NOP56: variants seen among roughly 807,000 people sequenced by gnomAD.
The protein encoded by NOP56 is NOP56 ribonucleoprotein, also known as nucleolar protein 56.
A neutral mutation model predicts 58.3 loss-of-function variants in NOP56; 31 were observed. The observed-to-expected ratio is 0.53, with a 90% confidence interval of 0.40 to 0.72. The LOEUF (loss-of-function observed/expected upper bound fraction) is 0.72, where lower values mean the gene tolerates loss of function less well. Ranked by LOEUF, NOP56 falls within the 30% of genes least tolerant of loss-of-function variation. NOP56 has a pLI of 0.00. For missense variants in NOP56, 669 were observed against 739.9 expected, an observed-to-expected ratio of 0.90 and a Z score of 1.11; for synonymous variants, 313 against 282.8, an observed-to-expected ratio of 1.11 and a Z score of -1.07.
In NOP56 at chr20:2,653,361, T is replaced by G. The variant is rs2086776232; in HGVS notation, c.176T>G (p.Val59Gly). Residue 59 changes from valine to glycine, a missense_variant, in exon 3 of 12, where the codon GTT becomes GGT. Val to Gly is a moderately radical substitution (Grantham distance 109). Coordinates refer to ENST00000329276, the MANE Select transcript of NOP56 (RefSeq NM_006392.4). ...VAFCPFASSQ[V>G]ALENANAVSE... ...TTTTGTCCCTTTGCCTCATCCCAGG[T>G]TGCCTTGGAAAATGCCAACGCCGTG... 2 of 1,614,002 alleles carry G rather than the reference T, an allele frequency of 1.2e-6. No individual in the cohort carries two copies. The highest frequency in any genetic ancestry group is 1.3e-5 in the African/African-American group (1 of 74,918).
At position 2,653,348 on chromosome 20, in the gene NOP56, G is replaced by A. The variant is rs764481393; in HGVS notation, c.163G>A (p.Ala55Thr). 9 of 1,614,008 alleles carry A rather than the reference G, an allele frequency of 5.6e-6. No individual in the cohort carries two copies. The South Asian group carries it at 7.7e-5, about 14-fold the overall frequency. ...IVRLVAFCPF[A>T]SSQVALENAN... ...TCGTCTGGTGGCCTTTTGTCCCTTT[G>A]CCTCATCCCAGGTTGCCTTGGAAAA... Residue 55 changes from alanine to threonine, a missense_variant, in exon 3 of 12, where the codon GCC becomes ACC. Physicochemically the swap from Ala to Thr is moderately conservative, Grantham distance 58. Around this residue, in one of 3 missense-constraint regions of NOP56, gnomAD observed 121 missense variants for 113.1 expected, o/e 1.07. Coordinates refer to ENST00000329276, the MANE Select transcript of NOP56 (RefSeq NM_006392.4).
intron 11 of NOP56, 92 bp downstream of exon 11, chr20:2,657,310 A>G: frequency 6.3e-7 from 1 of 1,577,238 alleles, no homozygotes; most frequent in Non-Finnish European, 8.7e-7. Context: ...TGTGGTCTTG[A>G]GTCCAGGCTT....
rs1375093117 is a variant in NOP56 at position 2,654,820 on chromosome 20, C to T, written c.442C>T (p.Leu148=). Residue 148 remains leucine, a synonymous_variant, in exon 5 of 12, where the codon CTG becomes TTG. Coordinates refer to ENST00000329276, the MANE Select transcript of NOP56 (RefSeq NM_006392.4). ...DLSACKAQLG[L]GHSYSRAKVK... ...GTCAGCTTGTAAAGCACAGCTGGGG[C>T]TGGGACACAGCTATTCCCGTGCCAA... The T allele has an allele frequency of 3.7e-6, 6 of 1,614,202 alleles. No individual in the cohort carries two copies. Among genetic ancestry groups the T allele is most frequent in the Middle Eastern group, 3.3e-4 (2 of 6,062 alleles).
chr20:2,657,835 G>T (rs769990456), intron 11 of NOP56, 94 bp from the exon 12 acceptor site: 4 of 1,389,892 alleles, frequency 2.9e-6, no homozygotes, highest in Middle Eastern at 1.9e-4. Flanking sequence ...ACTGGGCAAT[G>T]TTAACGACAC....
In NOP56 at chr20:2,657,183, TC is replaced by T. The variant is rs1464812259; in HGVS notation, c.1385del (p.Ser462Ter). 6.2e-7 allele frequency: 1 copy of T among 1,613,986 alleles called. No homozygotes were observed. Among genetic ancestry groups the T allele is most frequent in the East Asian group, 2.2e-5 (1 of 44,884 alleles). On this transcript the variant is annotated frameshift_variant, in exon 11 of 12. Coordinates refer to ENST00000329276, the MANE Select transcript of NOP56 (RefSeq NM_006392.4). LOFTEE classifies it low-confidence loss of function (END_TRUNC). ...GCTGGCTGCACTTGCCCTCGCGTCT[TC>T]AGAAAACAGCAGTAGTACTCCAGAG... ...KRLAALALASSENSSSTPEEC... is the reference protein window; with the variant it reads ...KRLAALALASXENSSSTPEEC...
Position 2,658,375 on chromosome 20 carries a change from T to TAA in NOP56, c.*85_*86dup. 6.2e-7 allele frequency: 1 copy of TAA among 1,609,590 alleles called. No individual in the cohort carries two copies. The highest frequency in any genetic ancestry group is 8.5e-7 in the Non-Finnish European group (1 of 1,178,034). On this transcript the variant is annotated 3_prime_UTR_variant, in exon 12 of 12. Transcript: ENST00000329276. The stretch of plus-strand genomic sequence containing the variant: ...TCCCACCCTGTGCCGTGTTCCCCAA[T>TAA]AAAAACAAATTCACAAGAGTTGGTT...
chr20:2,657,583 C>T (rs1295636786), intron 11 of NOP56: 3 of 516,532 alleles, frequency 5.8e-6, no homozygotes, highest in Admixed American at 3.4e-5. Flanking sequence ...CCCCAATGTG[C>T]TAAGCTACAA....
At chr20:2,657,446 T>A in intron 11 of NOP56, 1 of 731,446 alleles carries the variant, frequency 1.4e-6, no homozygotes, top group Non-Finnish European at 2.5e-6. Context: ...CCTGGGCATG[T>A]GTGTTCTGTC....
chr20:2,658,308 A>G lies in NOP56; in HGVS notation c.*14A>G. ...CAGGAAGATTAGAATGCAAATGGAC[A>G]TTCTCTGGGAGGTGGGGCATACCAT... On this transcript the variant is annotated 3_prime_UTR_variant, in exon 12 of 12. Transcript: ENST00000329276. 1.9e-6 allele frequency: 3 copies of G among 1,599,982 alleles called. No individual in the cohort carries two copies. Among genetic ancestry groups the G allele is most frequent in the Non-Finnish European group, 1.7e-6 (2 of 1,172,918 alleles).
In NOP56 at chr20:2,656,432, T is replaced by C. The variant is rs200676732; in HGVS notation, c.1042T>C (p.Tyr348His). 70 of 1,614,048 alleles carry C rather than the reference T, an allele frequency of 4.3e-5. No individual in the cohort carries two copies. The highest frequency in any genetic ancestry group is 5.8e-5 in the Non-Finnish European group (69 of 1,179,998). ...ALKTRGNTPK[Y>H]GLIFHSTFIG... ...GAAGACAAGGGGTAACACTCCAAAA[T>C]ATGGACTCATTTTCCACTCCACCTT... Residue 348 changes from tyrosine to histidine, a missense_variant, in exon 9 of 12, where the codon TAT becomes CAT. By Grantham distance (83) the Tyr-to-His change is moderately conservative. Coordinates refer to ENST00000329276, the MANE Select transcript of NOP56 (RefSeq NM_006392.4).
chr20:2,654,057 G>T (rs2086785283), intron 3 of NOP56: 5 of 448,794 alleles, frequency 1.1e-5, no homozygotes, highest in Non-Finnish European at 1.8e-5. Context: ...TGTTCGATTG[G>T]AAAGGGCAGT....
chr20:2,653,134 C>A, intron 2 of NOP56, 145 bp from the exon 3 acceptor site: 1 of 822,704 alleles, frequency 1.2e-6, no homozygotes, highest in East Asian at 2.4e-5. Flanking sequence ...CGGACGCCGC[C>A]CCCGAACGAT....
chr20:2,652,847 G>C lies in NOP56; in HGVS notation c.9G>C (p.Leu3=). 1 of 1,610,974 alleles carries C rather than the reference G, an allele frequency of 6.2e-7. No homozygotes were observed. Among genetic ancestry groups the C allele is most frequent in the Non-Finnish European group, 8.5e-7 (1 of 1,179,054 alleles). The change falls in exon 2 of 12, where the codon CTG becomes CTC. Residue 3 remains leucine, a synonymous_variant. Transcript: ENST00000329276. The stretch of plus-strand genomic sequence containing the variant: ...CGCCCCGGCTCCCGTTCCAGGTGCT[G>C]TTGCACGTGCTGTTTGAGCACGCGG... MV[L]LHVLFEHAVG...
intron 5 of NOP56, 139 bp downstream of exon 5, chr20:2,655,086 C>A: frequency 8.7e-7 from 1 of 1,142,920 alleles, no homozygotes; most frequent in Non-Finnish European, 1.3e-6. Flanking sequence ...GTGCTTACCA[C>A]AGGCTGTGTT....
chr20:2,656,662 C>T, intron 9 of NOP56, 112 bp from the exon 10 acceptor site: 7 of 1,606,474 alleles, frequency 4.4e-6, no homozygotes, highest in Non-Finnish European at 6.0e-6. Flanking sequence ...CAGCAGTTCA[C>T]CTAGTGAGTG....
rs1356168695 is a variant in NOP56 at position 2,658,378 on chromosome 20, A to G, written c.*84A>G. 9 of 1,610,268 alleles carry G rather than the reference A, an allele frequency of 5.6e-6. No homozygotes were observed. The highest frequency in any genetic ancestry group is 3.3e-5 in the South Asian group (3 of 90,080). On this transcript the variant is annotated 3_prime_UTR_variant, in exon 12 of 12. Transcript: ENST00000329276. ...CACCCTGTGCCGTGTTCCCCAATAAAAACAAATTCACAAGAGTTGGTTCAT... is the reference window on the plus strand; with the variant it reads ...CACCCTGTGCCGTGTTCCCCAATAAGAACAAATTCACAAGAGTTGGTTCAT...
chr20:2,654,441 T>C lies in NOP56; in HGVS notation c.236T>C (p.Leu79Pro). The C allele has an allele frequency of 6.2e-7, 1 of 1,614,130 alleles. No homozygotes were observed. Among genetic ancestry groups the C allele is most frequent in the Non-Finnish European group, 8.5e-7 (1 of 1,180,028 alleles). Residue 79 changes from leucine (L) to proline (P), a missense_variant, in exon 4 of 12, where the codon CTC (leucine) becomes CCC (proline). Physicochemically the swap from Leu to Pro is moderately conservative, Grantham distance 98. Transcript: ENST00000329276. ...GTTGTTCATGAGGACCTCCGCCTGC[T>C]CTTGGAGACCCACCTGCCGTCCAAA... ...EGVVHEDLRLLLETHLPSKKK... is the reference protein window; with the variant it reads ...EGVVHEDLRLPLETHLPSKKK...
chr20:2,655,832 T>C, intron 7 of NOP56, 86 bp downstream of exon 7: 1 of 1,610,110 alleles, frequency 6.2e-7, no homozygotes, highest in Non-Finnish European at 8.5e-7. Flanking sequence ...CCACCATGTC[T>C]TCCCTAGTTG....
At chr20:2,654,382 C>A in intron 3 of NOP56, 32 bp from the exon 4 acceptor site, 1 of 1,613,556 alleles carries the variant, frequency 6.2e-7, no homozygotes, top group Non-Finnish European at 8.5e-7. Flanking sequence ...GTCCTTCAGC[C>A]TGTTAGTGGG....
Sources: allele counts gnomAD v4.1 joint callset, GRCh38; gene constraint gnomAD v4.1.1; regional missense constraint gnomAD v4.1.1; transcripts MANE v1.5; gene names NCBI Gene and HGNC (gene_info 2026-07-23, HGNC 2026-07-21).